ITGBL1: variants seen among roughly 807,000 people sequenced by gnomAD.
ITGBL1 encodes the protein integrin beta-like protein 1.
In ITGBL1, 51 loss-of-function variants were observed where a neutral mutation model predicts 68.5. That is an observed-to-expected ratio of 0.74 (90% confidence interval 0.59 to 0.94). The LOEUF (loss-of-function observed/expected upper bound fraction) is 0.94. ITGBL1 is among the 40% of genes least tolerant of loss of function. ITGBL1 has a pLI of 0.00. For missense variants in ITGBL1, 649 were observed against 647.4 expected, an observed-to-expected ratio of 1.00 and a Z score of -0.03; for synonymous variants, 209 against 227.3, an observed-to-expected ratio of 0.92 and a Z score of 0.72.
chr13:101,513,351 C>A (rs1301965078), intron 2 of ITGBL1, among the ~76,000 whole-genome samples: 1 of 152,000 alleles, frequency 6.6e-6, no homozygotes, highest in East Asian at 1.9e-4. Flanking sequence ...CTGCTTATGG[C>A]ATAAGGCAGG....
intron 2 of ITGBL1, among the ~76,000 whole-genome samples, chr13:101,549,477 T>A (rs931421479): frequency 6.6e-6 from 1 of 151,906 alleles, no homozygotes; most frequent in South Asian, 2.1e-4. Context: ...TTATTAAAAG[T>A]CAAAAGATCA....
At chr13:101,682,952 G>C (rs1594977808) in intron 7 of ITGBL1, among the ~76,000 whole-genome samples, 1 of 152,026 alleles carries the variant, frequency 6.6e-6, no homozygotes, top group East Asian at 1.9e-4. Context: ...ACATTTGAAT[G>C]TTGAAACCCC....
intron 2 of ITGBL1, among the ~76,000 whole-genome samples, chr13:101,551,461 A>G (rs967910208): frequency 1.3e-5 from 2 of 152,172 alleles, no homozygotes; most frequent in African/African-American, 4.8e-5. Context: ...GGCTCCTTGA[A>G]AGGAATGGAC....
chr13:101,576,150 TAAG>T lies in ITGBL1; in HGVS notation c.586+607_586+609del, dbSNP rs539091139. Among the ~76,000 whole-genome samples, 589 of 152,288 alleles carry T rather than the reference TAAG, an allele frequency of 3.9e-3. 10 individuals are homozygous for T. Among genetic ancestry groups the T allele is most frequent in the Non-Finnish European group, 5.6e-3 (379 of 68,028 alleles). On this transcript the variant is annotated intron_variant, in intron 4 of 10. Coordinates refer to ENST00000376180, the MANE Select transcript of ITGBL1 (RefSeq NM_004791.3). ...TTTGTCTCACAACATCACTCTAGGC[TAAG>T]AATTATGTTTATCTACATAGATAGA... is the stretch of plus-strand genomic sequence containing the variant.
intron 2 of ITGBL1, among the ~76,000 whole-genome samples, chr13:101,550,902 A>G (rs1389962645): frequency 1.3e-5 from 2 of 152,252 alleles, no homozygotes; most frequent in Admixed American, 1.3e-4. Context: ...TTAATAAAAC[A>G]TAACTTAGTT....
chr13:101,717,041 T>C (rs2034751304), downstream of ITGBL1: 1 of 152,062 alleles, frequency 6.6e-6, no homozygotes, highest in Non-Finnish European at 1.5e-5. Flanking sequence ...TAAAGGTGAA[T>C]TACTTTGTAA....
chr13:101,492,607 C>T (rs2048796099), intron 2 of ITGBL1, among the ~76,000 whole-genome samples: 1 of 152,176 alleles, frequency 6.6e-6, no homozygotes, highest in African/African-American at 2.4e-5. Context: ...TCTGCCTCTT[C>T]TTCTCTGTTC....
chr13:101,520,220 T>C (rs765978219), intron 2 of ITGBL1, among the ~76,000 whole-genome samples: 4 of 152,198 alleles, frequency 2.6e-5, no homozygotes, highest in Non-Finnish European at 5.9e-5. Flanking sequence ...ATGAAAAACA[T>C]AAATTTTGTG....
chr13:101,634,093 G>A (rs561936766), intron 7 of ITGBL1, among the ~76,000 whole-genome samples: 1 of 152,260 alleles, frequency 6.6e-6, no homozygotes, highest in South Asian at 2.1e-4. Flanking sequence ...CAGAATTAAT[G>A]CAATTATAGA....
chr13:101,674,655 C>G (rs141357300), intron 7 of ITGBL1, among the ~76,000 whole-genome samples: 1 of 151,854 alleles, frequency 6.6e-6, no homozygotes, highest in African/African-American at 2.4e-5. Flanking sequence ...AATGATAAAG[C>G]AACCCTCTAT....
At chr13:101,586,350 C>T (rs563634624) in intron 6 of ITGBL1, among the ~76,000 whole-genome samples, 4 of 152,226 alleles carry the variant, frequency 2.6e-5, no homozygotes, top group African/African-American at 4.8e-5. Flanking sequence ...TTTTATGATT[C>T]GCTGGTTGAA....
At chr13:101,605,725 T>C (rs889481955) in intron 7 of ITGBL1, among the ~76,000 whole-genome samples, 3 of 151,620 alleles carry the variant, frequency 2.0e-5, no homozygotes, top group Admixed American at 6.6e-5. Flanking sequence ...TATATGCGTG[T>C]ACACGTATGT....
At chr13:101,546,468 A>T (rs1373019677) in intron 2 of ITGBL1, among the ~76,000 whole-genome samples, 1 of 152,178 alleles carries the variant, frequency 6.6e-6, no homozygotes, top group African/African-American at 2.4e-5. Context: ...TAACAGAATA[A>T]ACCTAAAAAA....
intron 2 of ITGBL1, among the ~76,000 whole-genome samples, chr13:101,564,791 A>T (rs2050157149): frequency 6.6e-6 from 1 of 151,288 alleles, no homozygotes; most frequent in Non-Finnish European, 1.5e-5. Flanking sequence ...TTATATAGTC[A>T]TATATAAAAA....
chr13:101,499,543 T>C (rs1240428343), intron 2 of ITGBL1, among the ~76,000 whole-genome samples: 1 of 152,168 alleles, frequency 6.6e-6, no homozygotes, highest in African/African-American at 2.4e-5. Flanking sequence ...GACTTTGACT[T>C]TCACTATAAA....
chr13:101,694,853 C>A (rs1198692980), intron 8 of ITGBL1, among the ~76,000 whole-genome samples: 1 of 152,184 alleles, frequency 6.6e-6, no homozygotes. Context: ...GCTTTAGATT[C>A]TTTTCAATTT....
At chr13:101,679,063 C>G (rs1023147218) in intron 7 of ITGBL1, among the ~76,000 whole-genome samples, 1 of 151,918 alleles carries the variant, frequency 6.6e-6, no homozygotes, top group Non-Finnish European at 1.5e-5. Flanking sequence ...TGTGCCACCA[C>G]GCCCAGGTAA....
At chr13:101,708,570 T>TGCC (rs1424020206) in intron 9 of ITGBL1, among the ~76,000 whole-genome samples, 1 of 152,184 alleles carries the variant, frequency 6.6e-6, no homozygotes, top group African/African-American at 2.4e-5. Context: ...AAGCAAGATG[T>TGCC]GCCGTGTGTC....
intron 7 of ITGBL1, among the ~76,000 whole-genome samples, chr13:101,608,429 G>C (rs534712996): frequency 1.5e-4 from 22 of 150,376 alleles, no homozygotes; most frequent in Non-Finnish European, 1.6e-4. Flanking sequence ...TTGGACAGCT[G>C]AATCATTACC....
Sources: gnomAD v4.1 joint callset for allele counts (sites outside exome capture counted in the v4.1 genomes callset) on GRCh38, gnomAD v4.1.1 for gene constraint, MANE v1.5 for transcripts, NCBI Gene and HGNC (gene_info 2026-07-23, HGNC 2026-07-21) for gene names.